The following ZCWPW2 variants were observed in gnomAD, a reference collection of about 807,000 sequenced individuals.
ZCWPW2 encodes zinc finger CW-type PWWP domain protein 2.
A neutral mutation model predicts 46.6 loss-of-function variants in ZCWPW2; 45 were observed. The observed-to-expected ratio is 0.96, with a 90% CI of 0.76 to 1.24. The LOEUF (loss-of-function observed/expected upper bound fraction) is 1.24. ZCWPW2 is among the 50% of genes most tolerant of loss of function. The probability of loss-of-function intolerance (pLI) is 0.00; values close to 1 mark genes in which losing one functional copy is unlikely to be tolerated. For missense variants in ZCWPW2, 429 were observed against 403.9 expected (o/e 1.06, Z -0.53); for synonymous variants, 152 against 137.1 (o/e 1.11, Z -0.76).
At chr3:28,432,839 T>C (rs568751147) in intron 3 of ZCWPW2, among the ~76,000 whole-genome samples, 2 of 152,274 alleles carry the variant, frequency 1.3e-5, no homozygotes, top group South Asian at 4.1e-4. Context: ...AAAATAGATA[T>C]TACTGAGACG....
chr3:28,349,777 C>T (rs1301722292), intron 1 of ZCWPW2, among the ~76,000 whole-genome samples: 1 of 152,088 alleles, frequency 6.6e-6, no homozygotes, highest in African/African-American at 2.4e-5. Context: ...CACTAACCGC[C>T]GATTAGCAAT....
intron 3 of ZCWPW2, among the ~76,000 whole-genome samples, chr3:28,417,518 G>T (rs1383329392): frequency 1.3e-5 from 2 of 152,032 alleles, no homozygotes; most frequent in African/African-American, 4.8e-5. Flanking sequence ...CATTTTATGA[G>T]GCCAGCATCA....
At chr3:28,353,615 T>C (rs1163698952) in intron 1 of ZCWPW2, among the ~76,000 whole-genome samples, 1 of 152,258 alleles carries the variant, frequency 6.6e-6, no homozygotes, top group African/African-American at 2.4e-5. Flanking sequence ...TGTGCTTCGC[T>C]AAGAACTTTT....
intron 2 of ZCWPW2, among the ~76,000 whole-genome samples, chr3:28,401,817 A>G (rs2125728920): frequency 6.6e-6 from 1 of 152,228 alleles, no homozygotes; most frequent in East Asian, 1.9e-4. Flanking sequence ...CCTGCTCCTG[A>G]ATGATCATTG....
At chr3:28,507,894 A>G (rs1266399325) in intron 6 of ZCWPW2, among the ~76,000 whole-genome samples, 1 of 152,158 alleles carries the variant, frequency 6.6e-6, no homozygotes, top group Non-Finnish European at 1.5e-5. Flanking sequence ...CTGTAGATTC[A>G]GCATTTTCTG....
At chr3:28,426,107 C>G (rs1401221826) in intron 3 of ZCWPW2, among the ~76,000 whole-genome samples, 4 of 150,796 alleles carry the variant, frequency 2.7e-5, no homozygotes, top group Non-Finnish European at 1.5e-5. Context: ...AAAACTCTGT[C>G]ACAAAAAAAA....
At chr3:28,505,265 A>T (rs1217450698) in intron 6 of ZCWPW2, among the ~76,000 whole-genome samples, 1 of 152,176 alleles carries the variant, frequency 6.6e-6, no homozygotes, top group African/African-American at 2.4e-5. Context: ...ATGGCTGAAG[A>T]AGAGAGTGCA....
At chr3:28,358,423 T>C (rs1248209355) in intron 1 of ZCWPW2, among the ~76,000 whole-genome samples, 1 of 152,156 alleles carries the variant, frequency 6.6e-6, no homozygotes. Flanking sequence ...GTATTTAATG[T>C]CTTGGATTAT....
intron 9 of ZCWPW2, among the ~76,000 whole-genome samples, chr3:28,521,667 T>C (rs1274699317): frequency 6.6e-6 from 1 of 152,350 alleles, no homozygotes; most frequent in East Asian, 1.9e-4. Context: ...GTGCTTACTT[T>C]ATTCAGTGTC....
chr3:28,425,601 A>G (rs557321368), intron 3 of ZCWPW2, among the ~76,000 whole-genome samples: 1 of 152,262 alleles, frequency 6.6e-6, no homozygotes, highest in East Asian at 1.9e-4. Flanking sequence ...AACATTTCAG[A>G]GTTATTCTTT....
intron 1 of ZCWPW2, among the ~76,000 whole-genome samples, chr3:28,364,519 T>G (rs1705054101): frequency 6.6e-6 from 1 of 152,268 alleles, no homozygotes; most frequent in South Asian, 2.1e-4. Flanking sequence ...TTCTTTTAGT[T>G]TAATCTCCAT....
chr3:28,447,100 G>T (rs755020089), intron 4 of ZCWPW2, among the ~76,000 whole-genome samples: 24 of 152,042 alleles, frequency 1.6e-4, no homozygotes, highest in Non-Finnish European at 2.5e-4. Context: ...GAACAATACT[G>T]ATCCTTCAAA....
At chr3:28,511,885 C>T (rs546527799) in intron 6 of ZCWPW2, among the ~76,000 whole-genome samples, 1 of 152,212 alleles carries the variant, frequency 6.6e-6, no homozygotes, top group African/African-American at 2.4e-5. Context: ...AAAGTTCTAT[C>T]TTTTTAGTTC....
At chr3:28,388,610 A>T (rs1695368484) in intron 1 of ZCWPW2, among the ~76,000 whole-genome samples, 1 of 152,224 alleles carries the variant, frequency 6.6e-6, no homozygotes, top group African/African-American at 2.4e-5. Context: ...ATGGGATATT[A>T]GGGGAAGAAA....
intron 1 of ZCWPW2, among the ~76,000 whole-genome samples, chr3:28,376,863 A>C (rs1464755196): frequency 6.6e-6 from 1 of 152,096 alleles, no homozygotes; most frequent in Admixed American, 6.6e-5. Flanking sequence ...GAAAAGATAA[A>C]TTAATTAGTC....
At chr3:28,392,739 A>T (rs1695545889) in intron 2 of ZCWPW2, among the ~76,000 whole-genome samples, 1 of 152,174 alleles carries the variant, frequency 6.6e-6, no homozygotes, top group Non-Finnish European at 1.5e-5. Flanking sequence ...TCAAAAGTGA[A>T]ATGAAAAAAA....
intron 1 of ZCWPW2, among the ~76,000 whole-genome samples, chr3:28,360,349 C>CAAAA (rs71087692): frequency 1.5e-4 from 8 of 53,928 alleles, no homozygotes; most frequent in African/African-American, 3.6e-4. Flanking sequence ...ACTAAAAATA[C>CAAAA]AAAAAAAAAA....
intron 4 of ZCWPW2, among the ~76,000 whole-genome samples, chr3:28,466,336 A>G (rs1033813955): frequency 5.9e-5 from 9 of 152,204 alleles, no homozygotes; most frequent in Admixed American, 2.6e-4. Flanking sequence ...TGAACCCAAA[A>G]TAAAAGTTGG....
intron 7 of ZCWPW2, 72 bp downstream of exon 7, chr3:28,514,194 C>T (rs931274827): frequency 1.4e-5 from 15 of 1,050,542 alleles, no homozygotes; most frequent in African/African-American, 8.4e-5. Context: ...AGAAACACCC[C>T]GGCTAATAAC....
Sources: allele counts gnomAD v4.1 joint callset (sites outside exome capture counted in the v4.1 genomes callset), GRCh38; gene constraint gnomAD v4.1.1; transcripts MANE v1.5; gene names NCBI Gene and HGNC (gene_info 2026-07-23, HGNC 2026-07-21).